The following CYREN variants were observed in gnomAD, a reference collection of about 807,000 sequenced individuals.
The protein encoded by CYREN is cell cycle regulator of non-homologous end joining.
A neutral mutation model predicts 9.7 loss-of-function variants in CYREN; 7 were observed. The observed-to-expected ratio is 0.72, with a 90% CI of 0.41 to 1.36. The LOEUF is 1.36. Ranked by LOEUF, CYREN falls within the 40% of genes most tolerant of loss-of-function variation. The pLI, the probability that CYREN is intolerant of heterozygous loss-of-function variation, is 0.01. For synonymous variants in CYREN, 76 were observed against 77.9 expected, an observed-to-expected ratio of 0.98 and a Z score of 0.13; for missense variants, 215 against 198.1, an observed-to-expected ratio of 1.09 and a Z score of -0.51.
intron 2 of CYREN, chr7:135,115,319 C>G: frequency 9.0e-7 from 1 of 1,106,136 alleles, no homozygotes; most frequent in Middle Eastern, 2.5e-4. Flanking sequence ...ATAATAATGC[C>G]CAATAAGTAA....
chr7:135,167,563 C>G, intron 3 of CYREN, 169 bp downstream of exon 3: 1 of 985,452 alleles, frequency 1.0e-6, no homozygotes, highest in African/African-American at 1.7e-5. Context: ...CGCACACCCA[C>G]ATGGGGAGAG....
chr7:135,099,565 A>T (rs181607744), intron 2 of CYREN, among the ~76,000 whole-genome samples: 1 of 152,162 alleles, frequency 6.6e-6, no homozygotes. Flanking sequence ...CTTCTAAAAA[A>T]ATATTTGAGG....
chr7:135,140,359 A>C (rs1829430436), intron 2 of CYREN, among the ~76,000 whole-genome samples: 1 of 151,838 alleles, frequency 6.6e-6, no homozygotes, highest in South Asian at 2.1e-4. Context: ...TTTGGTTCTC[A>C]GCTTGGACAT....
rs149735137 is a variant in CYREN at position 135,101,828 on chromosome 7, G to C, written n.357-7246C>G. On this transcript the variant is annotated intron_variant and non_coding_transcript_variant, in intron 2 of 2. Coordinates refer to the CYREN transcript ENST00000459937. ...CACCCAAATCTCATCTTCAATTATAGCTCCCATAATTCCCACATGTTGTGG... is the reference window on the plus strand; with the variant it reads ...CACCCAAATCTCATCTTCAATTATACCTCCCATAATTCCCACATGTTGTGG... Among the ~76,000 whole-genome samples the C allele has an allele frequency of 3.8e-3, 571 of 152,236 alleles. 3 individuals are homozygous for C. Among genetic ancestry groups the C allele is most frequent in the Non-Finnish European group, 6.6e-3 (451 of 68,010 alleles).
chr7:135,130,351 G>A (rs1367598007), intron 2 of CYREN, among the ~76,000 whole-genome samples: 1 of 152,070 alleles, frequency 6.6e-6, no homozygotes, highest in Non-Finnish European at 1.5e-5. Flanking sequence ...ATTTATTAAT[G>A]GTGTATATGC....
intron 2 of CYREN, chr7:135,115,332 G>A (rs1295084186): frequency 4.9e-6 from 6 of 1,232,532 alleles, no homozygotes; most frequent in Non-Finnish European, 6.8e-6. Flanking sequence ...ATAAGTAATT[G>A]TGAATAGAGT....
Position 135,133,414 on chromosome 7 carries a change from T to C in CYREN, n.356+35335A>G, listed in dbSNP as rs112569968. Among the ~76,000 whole-genome samples, 16 of 152,348 alleles carry C rather than the reference T, an allele frequency of 1.1e-4. No individual in the cohort carries two copies. The South Asian group carries it at 1.4e-3, about 14-fold the overall frequency. ...CAAAATCCCAGCAAGATCTTTTGTA[T>C]ATATAGACAAGATTATTCCAGAATT... On this transcript the variant is annotated intron_variant and non_coding_transcript_variant, in intron 2 of 2. Coordinates refer to the CYREN transcript ENST00000459937.
chr7:135,129,160 C>A, intron 2 of CYREN: 2 of 1,457,530 alleles, frequency 1.4e-6, no homozygotes, highest in Non-Finnish European at 1.9e-6. Flanking sequence ...CTCCTCCAGT[C>A]CACCTTGGAC....
Position 135,151,700 on chromosome 7 carries a change from A to G in CYREN, n.356+17049T>C, listed in dbSNP as rs961532960. Among the ~76,000 whole-genome samples the G allele has an allele frequency of 2.6e-4, 39 of 152,318 alleles. No individual in the cohort carries two copies. The highest frequency in any genetic ancestry group is 8.9e-4 in the African/African-American group (37 of 41,564). ...TGAGTGAACTTCCTTCAGTCTCACA[A>G]CAGCCCATGAGGAACGTGACAACTG... On this transcript the variant is annotated intron_variant and non_coding_transcript_variant, in intron 2 of 2. Coordinates refer to the CYREN transcript ENST00000459937. The surrounding 1 kb of genome is among the most constrained non-coding windows in gnomAD (Gnocchi z 4.3).
chr7:135,138,554 G>GA (rs1001300990), intron 2 of CYREN, among the ~76,000 whole-genome samples: 1 of 151,730 alleles, frequency 6.6e-6, no homozygotes, highest in African/African-American at 2.4e-5. Context: ...ACTAAAATAG[G>GA]AAAAAAATCA....
At chr7:135,161,183 C>T (rs1013913486), downstream of CYREN, among the ~76,000 whole-genome samples, 1 of 152,130 alleles carries the variant, frequency 6.6e-6, no homozygotes, top group African/African-American at 2.4e-5. The surrounding 1 kb of genome is among the most constrained non-coding windows in gnomAD (Gnocchi z 4.1). Flanking sequence ...TTGTTTTGCT[C>T]TACATTAAAA....
At position 135,166,661 on chromosome 7, in the gene CYREN, C is replaced by A. The variant is rs771766852; in HGVS notation, c.424G>T (p.Glu142Ter). The A allele has an allele frequency of 3.1e-6, 5 of 1,608,510 alleles. No homozygotes were observed. In the Admixed American group the frequency reaches 6.7e-5, roughly 21 times the overall value. ...SSACSRSPEE[E>*]EEEDVLKYVR... ...TATTTCAGCACATCCTCTTCCTCCTCCTCCTCAGGGCTCCTGCTACAGGCA... is the reference window on the plus strand; with the variant it reads ...TATTTCAGCACATCCTCTTCCTCCTACTCCTCAGGGCTCCTGCTACAGGCA... Residue 142 changes from glutamate (E) to a stop codon, truncating the protein, a stop_gained, in exon 4 of 4, where the codon GAG (glutamate) becomes TAG (stop). Coordinates refer to ENST00000393114, the MANE Select transcript of CYREN (RefSeq NM_024033.4). LOFTEE classifies it high-confidence loss of function.
In CYREN at chr7:135,134,790, C is replaced by A. The variant is rs144725955; in HGVS notation, n.356+33959G>T. Reference sequence around the variant, plus strand: ...TACTATGACAACATACCTAGGACTACAAAGTAGGTCCATGATGGACAAAAA... The same window carrying A: ...TACTATGACAACATACCTAGGACTAAAAAGTAGGTCCATGATGGACAAAAA... On this transcript the variant is annotated intron_variant and non_coding_transcript_variant, in intron 2 of 2. Transcript: ENST00000459937. 9.5e-5 allele frequency: 140 copies of A among 1,468,452 alleles called. 1 individual carries two copies. In the African/African-American group the frequency reaches 1.8e-3, roughly 19 times the overall value. The allele number at this position is 1,468,452 out of a possible 1,614,324, so 91.0% of individuals were successfully genotyped here.
At chr7:135,167,019 C>A in intron 3 of CYREN, 148 bp from the exon 4 acceptor site, 1 of 1,455,388 alleles carries the variant, frequency 6.9e-7, no homozygotes. Flanking sequence ...AGCACCCACC[C>A]TCTCTTCACC....
At chr7:135,120,698 CTCATT>C (rs1241006017) in intron 2 of CYREN, among the ~76,000 whole-genome samples, 1 of 152,052 alleles carries the variant, frequency 6.6e-6, no homozygotes, top group Non-Finnish European at 1.5e-5. Flanking sequence ...TCACAAGAAA[CTCATT>C]TCAAATATGA....
intron 2 of CYREN, chr7:135,115,798 A>G (rs1469482567): frequency 1.9e-6 from 1 of 538,940 alleles, no homozygotes; most frequent in African/African-American, 1.9e-5. Flanking sequence ...GGAGTAAGTT[A>G]TCAGGCCTTA....
chr7:135,167,810 GA>G lies in CYREN; in HGVS notation c.138-4del. 6.2e-7 allele frequency: 1 copy of G among 1,614,000 alleles called. No individual in the cohort carries two copies. The highest frequency in any genetic ancestry group is 8.5e-7 in the Non-Finnish European group (1 of 1,179,938). On this transcript the variant is annotated splice_polypyrimidine_tract_variant and splice_region_variant and intron_variant, in intron 2 of 3. Coordinates refer to ENST00000393114, the MANE Select transcript of CYREN (RefSeq NM_024033.4). Reference sequence around the variant, plus strand: ...ACACAGTCCTTGTCGCAGGGAGTCTGAAAAAAAGACATGCAAGGCACAGATG... The same window carrying G: ...ACACAGTCCTTGTCGCAGGGAGTCTGAAAAAAGACATGCAAGGCACAGATG...
exon 3 of CYREN, chr7:135,093,622 A>T (rs1054204468): frequency 2.6e-5 from 4 of 152,250 alleles, no homozygotes; most frequent in Admixed American, 2.6e-4. Flanking sequence ...AGCTTTAAAT[A>T]AATGGCAAGA....
intron 2 of CYREN, among the ~76,000 whole-genome samples, chr7:135,114,502 A>C (rs1405689937): frequency 2.3e-5 from 1 of 43,600 alleles, no homozygotes; most frequent in Non-Finnish European, 5.5e-5. Context: ...GATTTCTAAC[A>C]TGCTCTTCCC....
Sources: gnomAD v4.1 joint callset for allele counts (sites outside exome capture counted in the v4.1 genomes callset) on GRCh38, gnomAD v4.1.1 for gene constraint, Gnocchi (gnomAD v3.1) non-coding constraint, MANE v1.5 for transcripts, NCBI Gene and HGNC (gene_info 2026-07-23, HGNC 2026-07-21) for gene names.